The following CPA6 variants were observed in gnomAD, a reference collection of about 807,000 sequenced individuals.
CPA6 encodes the protein carboxypeptidase B.
In CPA6, 58 loss-of-function variants were observed where a neutral mutation model predicts 63.3. The observed-to-expected ratio is 0.92, with a 90% CI of 0.74 to 1.14. The LOEUF (loss-of-function observed/expected upper bound fraction) is 1.14. Among genes scored for constraint, CPA6 ranks in the 50% most tolerant of loss-of-function variants. The pLI, the probability that CPA6 is intolerant of heterozygous loss-of-function variation, is 0.00. For missense variants in CPA6, 565 were observed against 526.6 expected (o/e 1.07, Z -0.71); for synonymous variants, 185 against 179.0 (o/e 1.03, Z -0.27).
At chr8:67,430,298 GC>G (rs1315217874) in intron 9 of CPA6, among the ~76,000 whole-genome samples, 4 of 151,060 alleles carry the variant, frequency 2.6e-5, no homozygotes, top group Non-Finnish European at 5.9e-5. Context: ...TCCTGCCTTA[GC>G]CTCCCAAGTA....
chr8:67,482,885 G>A (rs987272142), intron 8 of CPA6, among the ~76,000 whole-genome samples: 6 of 152,184 alleles, frequency 3.9e-5, no homozygotes, highest in African/African-American at 1.4e-4. Flanking sequence ...GAAGCCTCTT[G>A]CTTGGAGGGA....
At chr8:67,575,081 A>G (rs1280627245) in intron 2 of CPA6, among the ~76,000 whole-genome samples, 1 of 152,196 alleles carries the variant, frequency 6.6e-6, no homozygotes, top group African/African-American at 2.4e-5. Context: ...AAGAATCTGA[A>G]TAGACACTTC....
intron 1 of CPA6, among the ~76,000 whole-genome samples, chr8:67,713,417 T>G (rs1328731566): frequency 6.6e-6 from 1 of 152,002 alleles, no homozygotes; most frequent in Non-Finnish European, 1.5e-5. Context: ...TTAAGTAGTG[T>G]GTCTGCATGG....
At chr8:67,484,595 T>C (rs1258131530) in intron 7 of CPA6, 84 bp downstream of exon 7, 1 of 684,500 alleles carries the variant, frequency 1.5e-6, no homozygotes. Context: ...CCTGTCCAGC[T>C]TCTTTCCTGT....
intron 2 of CPA6, among the ~76,000 whole-genome samples, chr8:67,532,550 C>T (rs536747182): frequency 6.6e-5 from 10 of 152,026 alleles, no homozygotes; most frequent in African/African-American, 2.2e-4. Flanking sequence ...GGCGTGGTGG[C>T]GAGTATCTGT....
rs879784313 is a variant in CPA6 at position 67,484,933 on chromosome 8, T to C, written c.637-144A>G. 10 of 509,300 alleles carry C rather than the reference T, an allele frequency of 2.0e-5. 1 individual carries two copies. The East Asian group carries it at 2.5e-4, about 13-fold the overall frequency. 31.5% of individuals were successfully genotyped at this position (509,300 alleles called of 1,614,324 possible). ...CTAACATGAAGTTTAGTCTTCGACATTGTAAATTCTGTTAAGACTTCTGTC... is the reference window on the plus strand; with the variant it reads ...CTAACATGAAGTTTAGTCTTCGACACTGTAAATTCTGTTAAGACTTCTGTC... On this transcript the variant is annotated intron_variant, in intron 6 of 10. Transcript: ENST00000297770.
chr8:67,628,144 C>T (rs1042197606), intron 1 of CPA6, among the ~76,000 whole-genome samples: 1 of 151,508 alleles, frequency 6.6e-6, no homozygotes, highest in African/African-American at 2.4e-5. Context: ...ACCTGGGAGG[C>T]GGAGATTGCA....
chr8:67,701,858 A>T (rs1817031360), intron 1 of CPA6, among the ~76,000 whole-genome samples: 1 of 152,170 alleles, frequency 6.6e-6, no homozygotes, highest in Admixed American at 6.6e-5. Context: ...CTGCATTAGG[A>T]TTACTACAGA....
chr8:67,618,678 C>T (rs1254446568), intron 2 of CPA6, among the ~76,000 whole-genome samples: 2 of 152,134 alleles, frequency 1.3e-5, no homozygotes, highest in South Asian at 2.1e-4. Flanking sequence ...TCCTACAGCT[C>T]TCTGATGAGG....
chr8:67,637,002 T>A lies in CPA6; in HGVS notation c.117-12751A>T, dbSNP rs1429703873. On this transcript the variant is annotated intron_variant, in intron 1 of 10. Coordinates refer to ENST00000297770, the MANE Select transcript of CPA6 (RefSeq NM_020361.5). ...TTGGTTATGGTTTATAGTTGCAATA[T>A]AAAGTGCTTGGAACATGAAGAATCT... Among the ~76,000 whole-genome samples the A allele has an allele frequency of 1.3e-5, 2 of 151,690 alleles. 1 individual carries two copies. The highest frequency in any genetic ancestry group is 4.9e-5 in the African/African-American group (2 of 40,980).
At chr8:67,541,007 C>T (rs954011491) in intron 2 of CPA6, among the ~76,000 whole-genome samples, 3 of 152,002 alleles carry the variant, frequency 2.0e-5, no homozygotes, top group Non-Finnish European at 2.9e-5. Flanking sequence ...TTCTGGGGAG[C>T]GAATGTTTCT....
At chr8:67,660,875 A>C (rs896160095) in intron 1 of CPA6, among the ~76,000 whole-genome samples, 1 of 152,144 alleles carries the variant, frequency 6.6e-6, no homozygotes, top group Non-Finnish European at 1.5e-5. Context: ...ATTGCCAGTA[A>C]TCTGGATTAA....
intron 2 of CPA6, among the ~76,000 whole-genome samples, chr8:67,533,362 A>C (rs1812518032): frequency 6.6e-6 from 1 of 152,222 alleles, no homozygotes; most frequent in Non-Finnish European, 1.5e-5. Flanking sequence ...AAATTCCCAC[A>C]TGTTCAGCTG....
chr8:67,468,589 A>AATAAG (rs1810983124), intron 8 of CPA6, among the ~76,000 whole-genome samples: 1 of 138,714 alleles, frequency 7.2e-6, no homozygotes, highest in Non-Finnish European at 1.5e-5. Context: ...TCAAAAATAA[A>AATAAG]ATAAAATAAA....
At chr8:67,496,510 CTATATAGTTTATATATATATATATA>C (rs1216822743) in intron 6 of CPA6, among the ~76,000 whole-genome samples, 5 of 121,778 alleles carry the variant, frequency 4.1e-5, no homozygotes, top group African/African-American at 7.1e-5. Flanking sequence ...ACCATCACCA[CTATATAGTTTATATATATATATATA>C]TATATATATA....
At chr8:67,715,667 C>T (rs547562544) in intron 1 of CPA6, among the ~76,000 whole-genome samples, 6 of 152,248 alleles carry the variant, frequency 3.9e-5, no homozygotes, top group South Asian at 2.1e-4. Context: ...GCCAAATGGT[C>T]GTAACATAAT....
At chr8:67,568,486 T>C (rs986624345) in intron 2 of CPA6, among the ~76,000 whole-genome samples, 1 of 151,776 alleles carries the variant, frequency 6.6e-6, no homozygotes, top group Middle Eastern at 3.4e-3. Context: ...AAGAAACAAA[T>C]AGAAATTCTA....
intron 1 of CPA6, among the ~76,000 whole-genome samples, chr8:67,639,659 T>A (rs1815545967): frequency 6.6e-6 from 1 of 151,576 alleles, no homozygotes; most frequent in South Asian, 2.1e-4. Context: ...CTGGGCTCCC[T>A]GAAGGGCTGC....
At chr8:67,720,838 G>C (rs1434139838) in intron 1 of CPA6, among the ~76,000 whole-genome samples, 3 of 151,996 alleles carry the variant, frequency 2.0e-5, no homozygotes, top group African/African-American at 7.2e-5. Flanking sequence ...TCACTTCCTG[G>C]CTGCCTCCAC....
Sources: allele counts gnomAD v4.1 joint callset (sites outside exome capture counted in the v4.1 genomes callset), GRCh38; gene constraint gnomAD v4.1.1; transcripts MANE v1.5; gene names NCBI Gene and HGNC (gene_info 2026-07-23, HGNC 2026-07-21).